The following B4GALT6 variants were observed in gnomAD, a reference collection of about 807,000 sequenced individuals.
B4GALT6 encodes UDP-Gal:beta-GlcNAc beta-1,4-galactosyltransferase 6.
B4GALT6 carries 14 observed loss-of-function variants against 46.3 expected under a neutral mutation model. That is an observed-to-expected ratio of 0.30 (90% CI 0.20 to 0.47). The LOEUF (loss-of-function observed/expected upper bound fraction) is 0.47. B4GALT6 is among the 20% of genes least tolerant of loss of function. The pLI, the probability that B4GALT6 is intolerant of heterozygous loss-of-function variation, is 0.99. For synonymous variants in B4GALT6, 168 were observed against 162.0 expected (o/e 1.04, Z -0.28); for missense variants, 386 against 480.1 (o/e 0.80, Z 1.83).
At chr18:31,653,290 A>G (rs558064100) in intron 3 of B4GALT6, among the ~76,000 whole-genome samples, 1 of 152,072 alleles carries the variant, frequency 6.6e-6, no homozygotes, top group East Asian at 1.9e-4. Context: ...CCAGTCCGGG[A>G]ATACACAGAG....
chr18:31,636,307 CA>C (rs1182113538), intron 5 of B4GALT6, among the ~76,000 whole-genome samples: 1 of 151,968 alleles, frequency 6.6e-6, no homozygotes, highest in Non-Finnish European at 1.5e-5. Flanking sequence ...TAAAACTTTT[CA>C]AAAAACAGTC....
At chr18:31,633,965 A>C (rs967270746) in intron 5 of B4GALT6, among the ~76,000 whole-genome samples, 1 of 152,188 alleles carries the variant, frequency 6.6e-6, no homozygotes, top group Non-Finnish European at 1.5e-5. Flanking sequence ...GAATAAATGA[A>C]ACCGGGCTGC....
chr18:31,677,398 T>C (rs933920736), intron 1 of B4GALT6, among the ~76,000 whole-genome samples: 7 of 152,136 alleles, frequency 4.6e-5, no homozygotes, highest in African/African-American at 7.2e-5. Flanking sequence ...CCATGAAACA[T>C]AGCAAATCAA....
chr18:31,628,263 G>A (rs1275417285), intron 6 of B4GALT6, among the ~76,000 whole-genome samples: 2 of 152,178 alleles, frequency 1.3e-5, no homozygotes, highest in African/African-American at 2.4e-5. Flanking sequence ...TAGTGTTCTG[G>A]TATTACAGTA....
chr18:31,691,712 G>A, the B4GALT6 span, among the ~76,000 whole-genome samples: 1 of 151,894 alleles, frequency 6.6e-6, no homozygotes, highest in African/African-American at 2.4e-5. Flanking sequence ...AGCTTTAATG[G>A]GTTAATAATG....
intron 1 of B4GALT6, among the ~76,000 whole-genome samples, chr18:31,674,174 G>A (rs1207123948): frequency 3.3e-5 from 5 of 152,060 alleles, no homozygotes; most frequent in African/African-American, 1.2e-4. Context: ...ACCACCCCAC[G>A]ACAGGTACAA....
At chr18:31,630,122 G>A (rs2073767369) in intron 6 of B4GALT6, among the ~76,000 whole-genome samples, 1 of 149,848 alleles carries the variant, frequency 6.7e-6, no homozygotes, top group Non-Finnish European at 1.5e-5. Context: ...TGGGGAGGAG[G>A]AGTGGGGAGG....
upstream of B4GALT6, among the ~76,000 whole-genome samples, chr18:31,687,208 T>A (rs2029960047): frequency 6.6e-6 from 1 of 152,240 alleles, no homozygotes; most frequent in African/African-American, 2.4e-5. Flanking sequence ...GCAGCCATTG[T>A]TGTGAGGATT....
At chr18:31,718,693 C>T in the B4GALT6 span, among the ~76,000 whole-genome samples, 4 of 152,144 alleles carry the variant, frequency 2.6e-5, no homozygotes, top group South Asian at 8.3e-4. Context: ...TGCCTCCTCT[C>T]CACTCCTGAG....
intron 3 of B4GALT6, among the ~76,000 whole-genome samples, chr18:31,648,257 C>T (rs1398945610): frequency 6.6e-6 from 1 of 152,124 alleles, no homozygotes; most frequent in Non-Finnish European, 1.5e-5. Flanking sequence ...GTTTCTTTCC[C>T]AGTTAGAGAT....
the B4GALT6 span, among the ~76,000 whole-genome samples, chr18:31,713,724 A>G: frequency 1.3e-5 from 2 of 152,056 alleles, no homozygotes; most frequent in Admixed American, 1.3e-4. Flanking sequence ...TAAAGATGAA[A>G]CCGAATTTTT....
chr18:31,684,902 T>A (rs1244267569), upstream of B4GALT6, among the ~76,000 whole-genome samples: 2 of 148,770 alleles, frequency 1.3e-5, no homozygotes, highest in Non-Finnish European at 1.5e-5. Flanking sequence ...GTGCTTAAGG[T>A]CCGGGCCGCC....
chr18:31,661,042 G>A (rs535650726), intron 2 of B4GALT6, among the ~76,000 whole-genome samples: 2 of 152,230 alleles, frequency 1.3e-5, no homozygotes, highest in African/African-American at 4.8e-5. Flanking sequence ...GAAAATCAGC[G>A]ATAGATTAAG....
At position 31,645,389 on chromosome 18, in the gene B4GALT6, T is replaced by C. The variant is rs763129897; in HGVS notation, c.437A>G (p.His146Arg). The C allele has an allele frequency of 3.1e-6, 5 of 1,613,876 alleles. No individual in the cohort carries two copies. Among genetic ancestry groups the C allele is most frequent in the Non-Finnish European group, 3.4e-6 (4 of 1,179,916 alleles). Residue 146 changes from histidine (H) to arginine (R), a missense_variant, in exon 4 of 9, where the codon CAT becomes CGT. Coordinates refer to ENST00000306851, the MANE Select transcript of B4GALT6 (RefSeq NM_004775.5). The stretch of plus-strand genomic sequence containing the variant: ...GGGTTTACAGTCTTTTGGCCTCCAA[T>C]GACCCCCTGGCTCAATATCTAAATC... ...SKDLDIEPGG[H>R]WRPKDCKPRW...
upstream of B4GALT6, among the ~76,000 whole-genome samples, chr18:31,689,509 C>A (rs2030037217): frequency 6.6e-6 from 1 of 152,076 alleles, no homozygotes; most frequent in Non-Finnish European, 1.5e-5. Context: ...CTTTGGGAGA[C>A]CAAGGCGGGT....
the B4GALT6 span, among the ~76,000 whole-genome samples, chr18:31,723,644 T>C: frequency 1.3e-5 from 2 of 152,190 alleles, no homozygotes; most frequent in Admixed American, 6.5e-5. Flanking sequence ...TCCTCGTTTA[T>C]TCCCCGGCAG....
chr18:31,662,568 C>T (rs546273703), intron 2 of B4GALT6, among the ~76,000 whole-genome samples: 4 of 152,266 alleles, frequency 2.6e-5, no homozygotes, highest in South Asian at 2.1e-4. Context: ...ATTGGCTGGG[C>T]GTAGTGGCTC....
chr18:31,653,433 T>C (rs930800724), intron 3 of B4GALT6, among the ~76,000 whole-genome samples: 3 of 143,430 alleles, frequency 2.1e-5, no homozygotes, highest in African/African-American at 5.1e-5. Context: ...ATAACCTTTT[T>C]TCTTTTTTTT....
chr18:31,672,937 A>T (rs2074373172), intron 1 of B4GALT6, among the ~76,000 whole-genome samples: 1 of 152,204 alleles, frequency 6.6e-6, no homozygotes, highest in African/African-American at 2.4e-5. Context: ...AAACCAAAGG[A>T]AAATAGTAAA....
Sources: gnomAD v4.1 joint callset for allele counts (sites outside exome capture counted in the v4.1 genomes callset) on GRCh38, gnomAD v4.1.1 for gene constraint, MANE v1.5 for transcripts, NCBI Gene and HGNC (gene_info 2026-07-23, HGNC 2026-07-21) for gene names.